CEP85: variants seen among roughly 807,000 people sequenced by gnomAD.
CEP85 encodes the protein centrosomal protein of 85 kDa.
Under a neutral mutation model 93.7 loss-of-function variants are expected in CEP85, and 58 were observed. The ratio of observed to expected loss-of-function variants is 0.62; its 90% confidence interval spans 0.50 to 0.77. The LOEUF is 0.77. CEP85 is among the 30% of genes least tolerant of loss of function. The probability of loss-of-function intolerance (pLI) is 0.00; values close to 1 mark genes in which losing one functional copy is unlikely to be tolerated. For synonymous variants in CEP85, 314 were observed against 338.6 expected (o/e 0.93, Z 0.80); for missense variants, 868 against 922.0 (o/e 0.94, Z 0.76).
At chr1:26,249,495 G>A (rs2089570744) in intron 3 of CEP85, among the ~76,000 whole-genome samples, 1 of 152,148 alleles carries the variant, frequency 6.6e-6, no homozygotes, top group South Asian at 2.1e-4. Flanking sequence ...AAATTTAATA[G>A]GCATGCTTTT....
At chr1:26,249,235 C>G (rs1428438272) in intron 3 of CEP85, among the ~76,000 whole-genome samples, 1 of 152,116 alleles carries the variant, frequency 6.6e-6, no homozygotes, top group Non-Finnish European at 1.5e-5. Context: ...GCGTGTGCCA[C>G]CACACCCAGC....
chr1:26,274,436 A>G (rs2090024207), intron 11 of CEP85, among the ~76,000 whole-genome samples: 1 of 152,228 alleles, frequency 6.6e-6, no homozygotes, highest in Admixed American at 6.5e-5. Context: ...GCGAAGGATC[A>G]TGTGCATAGC....
chr1:26,269,181 A>C, intron 8 of CEP85: 1 of 408,594 alleles, frequency 2.4e-6, no homozygotes, highest in East Asian at 4.7e-5. Context: ...AATCAGAATT[A>C]GCTTAGACTG....
In CEP85 at chr1:26,252,341, TGACCA is replaced by T. The variant is rs1336424983; in HGVS notation, c.209-2828_209-2824del. Among the ~76,000 whole-genome samples the T allele has an allele frequency of 5.3e-5, 8 of 152,196 alleles. No homozygotes were observed. In the East Asian group the frequency reaches 1.5e-3, roughly 29 times the overall value. On this transcript the variant is annotated intron_variant, in intron 3 of 13. Transcript: ENST00000451429. ...TGAGGTTGGGAGTTCAAGACCAGCCTGACCAGCATGGAGAAGCCCTGTCTCTACTA... is the reference window on the plus strand; with the variant it reads ...TGAGGTTGGGAGTTCAAGACCAGCCTGCATGGAGAAGCCCTGTCTCTACTA...
At chr1:26,251,312 T>C (rs546090595) in intron 3 of CEP85, among the ~76,000 whole-genome samples, 28 of 142,848 alleles carry the variant, frequency 2.0e-4, no homozygotes, top group Admixed American at 5.9e-4. Flanking sequence ...AGTGCAATGG[T>C]GCAATCTCGG....
chr1:26,265,874 T>G (rs1407932144), intron 7 of CEP85, among the ~76,000 whole-genome samples: 2 of 151,908 alleles, frequency 1.3e-5, no homozygotes, highest in East Asian at 3.9e-4. Flanking sequence ...TGAGCCCAGT[T>G]CAAGAACAGC....
intron 4 of CEP85, among the ~76,000 whole-genome samples, chr1:26,256,140 AT>A (rs1186098540): frequency 6.6e-6 from 1 of 152,208 alleles, no homozygotes; most frequent in East Asian, 1.9e-4. Context: ...CACATACAGC[AT>A]TTTATTTAAT....
At chr1:26,248,265 C>G (rs1351633240) in intron 3 of CEP85, among the ~76,000 whole-genome samples, 1 of 152,002 alleles carries the variant, frequency 6.6e-6, no homozygotes, top group Non-Finnish European at 1.5e-5. Context: ...AGTCATAGGA[C>G]CTTTTTATTT....
chr1:26,242,584 A>G (rs565515470), intron 2 of CEP85, among the ~76,000 whole-genome samples: 1 of 152,336 alleles, frequency 6.6e-6, no homozygotes, highest in Middle Eastern at 3.4e-3. Flanking sequence ...AATGAGCAAA[A>G]GTAGAAGAAA....
intron 2 of CEP85, among the ~76,000 whole-genome samples, chr1:26,241,069 A>G (rs1053991524): frequency 3.3e-5 from 5 of 152,120 alleles, no homozygotes; most frequent in African/African-American, 1.2e-4. Flanking sequence ...GGTAAAGAAG[A>G]GGGCACGTTT....
chr1:26,261,978 C>G lies in CEP85; in HGVS notation c.1341+2176C>G, dbSNP rs1173059317. 2.6e-5 allele frequency among the ~76,000 whole-genome samples: 4 copies of G among 151,946 alleles called. 1 individual carries two copies. The highest frequency in any genetic ancestry group is 2.6e-4 in the Admixed American group (4 of 15,248). On this transcript the variant is annotated intron_variant, in intron 7 of 13. Transcript: ENST00000451429. ...TTGAGGTCAGGAGTTCGAGACCAGT[C>G]TGGCCAACATGGTGAAACCCTCTCT...
At chr1:26,268,319 G>A (rs1020579162) in intron 7 of CEP85, among the ~76,000 whole-genome samples, 164 bp from the exon 8 acceptor site, 12 of 152,148 alleles carry the variant, frequency 7.9e-5, no homozygotes, top group African/African-American at 2.4e-4. Context: ...TTAGCCTGCC[G>A]TGGTAGTGTG....
chr1:26,237,605 G>A (rs375884991), intron 1 of CEP85, among the ~76,000 whole-genome samples: 18 of 152,158 alleles, frequency 1.2e-4, no homozygotes, highest in African/African-American at 3.9e-4. Flanking sequence ...ATGGACGTTT[G>A]TGTTGTTTCC....
intron 9 of CEP85, among the ~76,000 whole-genome samples, chr1:26,269,858 C>T (rs1032448169): frequency 2.4e-5 from 3 of 125,028 alleles, no homozygotes; most frequent in African/African-American, 9.2e-5. Context: ...GCAATCTTGG[C>T]TCACTGCAAG....
chr1:26,255,011 A>G (rs1303942130), intron 3 of CEP85, among the ~76,000 whole-genome samples, 160 bp from the exon 4 acceptor site: 1 of 152,052 alleles, frequency 6.6e-6, no homozygotes, highest in East Asian at 1.9e-4. Context: ...TGGAACATAC[A>G]TCTCCCAGTT....
At chr1:26,238,301 A>T (rs1016755433) in intron 1 of CEP85, among the ~76,000 whole-genome samples, 1 of 141,234 alleles carries the variant, frequency 7.1e-6, no homozygotes, top group East Asian at 2.0e-4. Context: ...CCATGGTCCA[A>T]GCGATTCTCC....
chr1:26,246,576 T>C (rs2124566790), intron 3 of CEP85, among the ~76,000 whole-genome samples: 1 of 151,760 alleles, frequency 6.6e-6, no homozygotes, highest in South Asian at 2.1e-4. Context: ...TTTACTAAAA[T>C]ACAAAAAATT....
intron 3 of CEP85, among the ~76,000 whole-genome samples, chr1:26,251,742 G>A (rs17257176): frequency 0.16 from 25,084 of 152,102 alleles, 2,165 homozygotes; most frequent in Middle Eastern, 0.21. Flanking sequence ...AGCAGGGGGT[G>A]TGGGCTCAAA....
chr1:26,255,362 G>T lies in CEP85; in HGVS notation c.400G>T (p.Asp134Tyr). ...AAGTGTGGGAATGACAAGAAATGGA[G>T]ACCTCGGTGCAATGAAACATTCTCC... is the stretch of plus-strand genomic sequence containing the variant. Reference protein sequence around the residue: ...AESVGMTRNGDLGAMKHSPGL... With the variant: ...AESVGMTRNGYLGAMKHSPGL... The change falls in exon 4 of 14, where the codon GAC becomes TAC. Residue 134 changes from aspartate (D) to tyrosine (Y), a missense_variant. Transcript: ENST00000451429. 1 of 1,614,126 alleles carries T rather than the reference G, an allele frequency of 6.2e-7. No individual in the cohort carries two copies. Among genetic ancestry groups the T allele is most frequent in the Non-Finnish European group, 8.5e-7 (1 of 1,180,028 alleles).
Sources: allele counts gnomAD v4.1 joint callset (sites outside exome capture counted in the v4.1 genomes callset), GRCh38; gene constraint gnomAD v4.1.1; transcripts MANE v1.5; gene names NCBI Gene and HGNC (gene_info 2026-07-23, HGNC 2026-07-21).